Variants in CDC42BPA observed in about 807,000 individuals in gnomAD.
CDC42BPA encodes the protein CDC42 binding protein kinase alpha.
In CDC42BPA, 80 loss-of-function variants were observed where a neutral mutation model predicts 223.5. That is an observed-to-expected ratio of 0.36 (90% CI 0.30 to 0.43). The LOEUF (loss-of-function observed/expected upper bound fraction) is 0.43. CDC42BPA is among the 20% of genes least tolerant of loss of function. The pLI is 1.00. For missense variants in CDC42BPA, 1,743 were observed against 2,099.9 expected (o/e 0.83, Z 3.32); for synonymous variants, 694 against 718.6 (o/e 0.97, Z 0.55).
At chr1:227,189,979 T>C (rs889086400) in intron 5 of CDC42BPA, among the ~76,000 whole-genome samples, 2 of 152,192 alleles carry the variant, frequency 1.3e-5, no homozygotes, top group African/African-American at 4.8e-5. Flanking sequence ...TCATTGTAGT[T>C]TATTAGCTAC....
intron 2 of CDC42BPA, among the ~76,000 whole-genome samples, chr1:227,250,381 G>A (rs1053253360): frequency 1.3e-5 from 2 of 152,026 alleles, no homozygotes; most frequent in Admixed American, 6.6e-5. Context: ...CCAGCTACTC[G>A]GGAAGCTGAG....
In CDC42BPA at chr1:227,254,229, C is replaced by T. The variant is rs561671166; in HGVS notation, c.179-74G>A. 7.9e-5 allele frequency: 57 copies of T among 721,426 alleles called. No individual in the cohort carries two copies. In the East Asian group the frequency reaches 1.7e-3, roughly 21 times the overall value. The allele number at this position is 721,426 out of a possible 1,614,324, so 44.7% of individuals were successfully genotyped here. On this transcript the variant is annotated intron_variant, in intron 1 of 36. Transcript: ENST00000366766. The stretch of plus-strand genomic sequence containing the variant: ...AAATTAGATATAAATAATGGTGTTT[C>T]TTAGTTACACAAAAATTCAAATTAT...
In CDC42BPA at chr1:227,019,703, C is replaced by T. The variant is rs558767014; in HGVS notation, c.4616-2653G>A. Among the ~76,000 whole-genome samples, 131 of 152,212 alleles carry T rather than the reference C, an allele frequency of 8.6e-4. 1 individual carries two copies. Among genetic ancestry groups the T allele is most frequent in the Non-Finnish European group, 1.6e-3 (106 of 68,016 alleles). ...TGAAAATATCATCAATCTCCTTGTA[C>T]ATCTCCATCAGAGATTTTGGGTGAC... On this transcript the variant is annotated intron_variant, in intron 32 of 36. Transcript: ENST00000366766.
At chr1:227,196,122 T>G (rs6426588) in intron 4 of CDC42BPA, among the ~76,000 whole-genome samples, 103,206 of 151,188 alleles carry the variant, frequency 0.68, 35,457 homozygotes, top group South Asian at 0.73. Context: ...TCCAGTCCAA[T>G]GAAACAATGC....
intron 21 of CDC42BPA, chr1:227,068,579 C>G: frequency 1.7e-6 from 1 of 587,844 alleles, no homozygotes; most frequent in South Asian, 2.9e-5. Flanking sequence ...GACTGCATTA[C>G]TAGGCAAATT....
At position 227,047,909 on chromosome 1, in the gene CDC42BPA, T is replaced by TA. The variant is rs1672779552; in HGVS notation, c.3093+17dup. Reference sequence around the variant, plus strand: ...CATTTTTTTTGGAACACACTATGCTTATAACTAGATTGAGTACCTTAGGTG... The same window carrying TA: ...CATTTTTTTTGGAACACACTATGCTTAATAACTAGATTGAGTACCTTAGGTG... On this transcript the variant is annotated intron_variant, in intron 23 of 36. Coordinates refer to ENST00000366766, the MANE Select transcript of CDC42BPA (RefSeq NM_001394014.1). 6.7e-7 allele frequency: 1 copy of TA among 1,494,726 alleles called. No homozygotes were observed. Among genetic ancestry groups the TA allele is most frequent in the South Asian group, 1.1e-5 (1 of 87,878 alleles). The allele number at this position is 1,494,726 out of a possible 1,614,324, so 92.6% of individuals were successfully genotyped here. A position where few individuals can be genotyped will look rare whatever the true frequency, so the allele number is the denominator to read the frequency against.
intron 10 of CDC42BPA, among the ~76,000 whole-genome samples, chr1:227,136,888 A>C (rs73102918): frequency 0.058 from 8,793 of 152,212 alleles, 837 homozygotes; most frequent in African/African-American, 0.2. Flanking sequence ...CATTACAAGA[A>C]AACAATAAAG....
At chr1:227,261,702 G>A (rs563009354) in intron 1 of CDC42BPA, among the ~76,000 whole-genome samples, 4 of 152,242 alleles carry the variant, frequency 2.6e-5, no homozygotes, top group Middle Eastern at 3.4e-3. Flanking sequence ...GTGCCTGTTA[G>A]GGATCATTCG....
In CDC42BPA at chr1:227,149,335, T is replaced by C. The variant is rs555939118; in HGVS notation, c.694-1776A>G. Among the ~76,000 whole-genome samples, 6 of 152,314 alleles carry C rather than the reference T, an allele frequency of 3.9e-5. No homozygotes were observed. In the South Asian group the frequency reaches 1.2e-3, roughly 32 times the overall value. Reference sequence around the variant, plus strand: ...TAACACTGACCCAAGGTTAGTTGCCTCTAGGAAGCAAAACAAATTCAAATC... The same window carrying C: ...TAACACTGACCCAAGGTTAGTTGCCCCTAGGAAGCAAAACAAATTCAAATC... On this transcript the variant is annotated intron_variant, in intron 6 of 36. Transcript: ENST00000366766.
chr1:227,053,944 T>G (rs1257064504), intron 21 of CDC42BPA, among the ~76,000 whole-genome samples: 1 of 152,186 alleles, frequency 6.6e-6, no homozygotes, highest in African/African-American at 2.4e-5. Flanking sequence ...GAATTAGGTG[T>G]CCATGGAGAG....
intron 2 of CDC42BPA, among the ~76,000 whole-genome samples, chr1:227,226,468 A>C (rs1451339117): frequency 6.6e-6 from 1 of 152,216 alleles, no homozygotes; most frequent in African/African-American, 2.4e-5. Flanking sequence ...ATCATAGTCC[A>C]TAGATGGAAA....
At chr1:227,092,369 G>A (rs1470531924) in intron 15 of CDC42BPA, among the ~76,000 whole-genome samples, 1 of 152,082 alleles carries the variant, frequency 6.6e-6, no homozygotes, top group African/African-American at 2.4e-5. Flanking sequence ...GTATATATAT[G>A]GCAATGCAAA....
At chr1:227,212,857 T>C (rs935392013) in intron 3 of CDC42BPA, among the ~76,000 whole-genome samples, 1 of 152,196 alleles carries the variant, frequency 6.6e-6, no homozygotes, top group Non-Finnish European at 1.5e-5. Context: ...TGTCTTTCTA[T>C]AGAAGAAAGT....
chr1:227,049,457 T>C (rs1056172465), intron 22 of CDC42BPA, among the ~76,000 whole-genome samples: 2 of 152,256 alleles, frequency 1.3e-5, no homozygotes, highest in East Asian at 3.9e-4. Context: ...TGTTCATAGA[T>C]GGAATACCCA....
chr1:227,231,609 A>T (rs1199384690), intron 2 of CDC42BPA, among the ~76,000 whole-genome samples: 1 of 151,820 alleles, frequency 6.6e-6, no homozygotes, highest in Non-Finnish European at 1.5e-5. Context: ...ACAGTGTAAA[A>T]GCGTTCCTAT....
chr1:226,994,676 G>T lies in CDC42BPA; in HGVS notation c.5133+147C>A. The T allele has an allele frequency of 2.3e-6, 2 of 866,404 alleles. No homozygotes were observed. Among genetic ancestry groups the T allele is most frequent in the Non-Finnish European group, 3.5e-6 (2 of 564,314 alleles). 53.7% of individuals were successfully genotyped at this position (866,404 alleles called of 1,614,324 possible). On this transcript the variant is annotated intron_variant, in intron 36 of 36. Transcript: ENST00000366766. The surrounding 1 kb of genome is among the most constrained non-coding windows in gnomAD (Gnocchi z 4.0). ...CTGCAGTTTGCAGCCCGAGTGACTGGCCTAGCTGCCCGCTGGCCAAGAGTG... is the reference window on the plus strand; with the variant it reads ...CTGCAGTTTGCAGCCCGAGTGACTGTCCTAGCTGCCCGCTGGCCAAGAGTG...
At chr1:227,021,993 C>T (rs1667457958) in intron 32 of CDC42BPA, among the ~76,000 whole-genome samples, 1 of 151,682 alleles carries the variant, frequency 6.6e-6, no homozygotes, top group Admixed American at 6.6e-5. Flanking sequence ...GCACTCCAGC[C>T]TCGCAACAGA....
chr1:227,069,592 G>C (rs1440793554), intron 21 of CDC42BPA, 185 bp downstream of exon 21: 2 of 412,828 alleles, frequency 4.8e-6, no homozygotes, highest in Non-Finnish European at 4.4e-6. Flanking sequence ...TTGTTAAACA[G>C]AGGTGGGATT....
chr1:227,213,120 T>A lies in CDC42BPA; in HGVS notation c.354+16A>T. On this transcript the variant is annotated intron_variant, in intron 3 of 36. Transcript: ENST00000366766. ...TTTCTAAAATATTTATATATTCCAATACATAAGACTCTTACCTCAGCTCTT... is the reference window on the plus strand; with the variant it reads ...TTTCTAAAATATTTATATATTCCAAAACATAAGACTCTTACCTCAGCTCTT... 8.2e-7 allele frequency: 1 copy of A among 1,218,884 alleles called. No homozygotes were observed. The highest frequency in any genetic ancestry group is 1.2e-6 in the Non-Finnish European group (1 of 847,614). 75.5% of individuals were successfully genotyped at this position (1,218,884 alleles called of 1,614,324 possible).
Sources: gnomAD v4.1 joint callset for allele counts (sites outside exome capture counted in the v4.1 genomes callset) on GRCh38, gnomAD v4.1.1 for gene constraint, Gnocchi (gnomAD v3.1) non-coding constraint, MANE v1.5 for transcripts, NCBI Gene and HGNC (gene_info 2026-07-23, HGNC 2026-07-21) for gene names.